The following JPH2 variants were observed in gnomAD, a reference collection of about 807,000 sequenced individuals.
JPH2 encodes the protein junctophilin-2.
In JPH2, 38 loss-of-function variants were observed where a neutral mutation model predicts 55.9. The observed-to-expected ratio is 0.68, with a 90% CI of 0.52 to 0.89. The LOEUF is 0.89. JPH2 is among the 40% of genes least tolerant of loss of function. JPH2 has a pLI of 0.00. For missense variants in JPH2, 964 were observed against 1,037.6 expected (o/e 0.93, Z 0.97); for synonymous variants, 480 against 472.4 (o/e 1.02, Z -0.21).
At chr20:44,129,425 C>T (rs994073806) in intron 2 of JPH2, among the ~76,000 whole-genome samples, 4 of 151,878 alleles carry the variant, frequency 2.6e-5, no homozygotes, top group African/African-American at 7.3e-5. Context: ...CGCAGTGGTG[C>T]GCATCTGTAA....
rs957196976 is a variant in JPH2 at position 44,159,109 on chromosome 20, G to A, written c.1169+509C>T. Among the ~76,000 whole-genome samples, 10 of 152,262 alleles carry A rather than the reference G, an allele frequency of 6.6e-5. No individual in the cohort carries two copies. Among genetic ancestry groups the A allele is most frequent in the African/African-American group, 2.4e-4 (10 of 41,526 alleles). On this transcript the variant is annotated intron_variant, in intron 2 of 5. Coordinates refer to ENST00000372980, the MANE Select transcript of JPH2 (RefSeq NM_020433.5). This position sits in a 1 kb window ranked among gnomAD's most constrained non-coding sequence, Gnocchi z 5.7. ...TAAATCTTTGAGTGAATGGGTGGTTGTTCAGGTAGATGTTAGGCTGTTGTT... is the reference window on the plus strand; with the variant it reads ...TAAATCTTTGAGTGAATGGGTGGTTATTCAGGTAGATGTTAGGCTGTTGTT...
In JPH2 at chr20:44,116,252, G is replaced by A; in HGVS notation, c.1423C>T (p.Arg475Cys). 6 of 1,506,476 alleles carry A rather than the reference G, an allele frequency of 4.0e-6. No homozygotes were observed. The highest frequency in any genetic ancestry group is 5.3e-6 in the Non-Finnish European group (6 of 1,133,600). The allele number at this position is 1,506,476 out of a possible 1,614,324, so 93.3% of individuals were successfully genotyped here. A position where few individuals can be genotyped will look rare whatever the true frequency, so the allele number is the denominator to read the frequency against. Residue 475 changes from arginine to cysteine, a missense_variant, in exon 4 of 6, where the codon CGT becomes TGT. By Grantham distance (180) the Arg-to-Cys change is radical. Transcript: ENST00000372980. ...PPRESPQLHE[R>C]ETPRPEGGSP... Reference sequence around the variant, plus strand: ...CCACCCTCGGGCCGAGGGGTCTCACGCTCGTGCAGCTGCGGGCTCTCGCGG... The same window carrying A: ...CCACCCTCGGGCCGAGGGGTCTCACACTCGTGCAGCTGCGGGCTCTCGCGG...
chr20:44,132,552 G>A (rs1017797731), intron 2 of JPH2, among the ~76,000 whole-genome samples: 3 of 151,616 alleles, frequency 2.0e-5, no homozygotes, highest in Admixed American at 6.6e-5. Flanking sequence ...GTCAATTCAG[G>A]GCCCAAGCAC....
At position 44,160,885 on chromosome 20, in the gene JPH2, A is replaced by G. The variant is rs1323109648; in HGVS notation, c.380-478T>C. On this transcript the variant is annotated intron_variant, in intron 1 of 5. Transcript: ENST00000372980. This position sits in a 1 kb window ranked among gnomAD's most constrained non-coding sequence, Gnocchi z 4.9. ...GATCGCTTGAGCTCAGGAGTTCAAGACCAACCTGGGCAACATGGTGAAACC... is the reference window on the plus strand; with the variant it reads ...GATCGCTTGAGCTCAGGAGTTCAAGGCCAACCTGGGCAACATGGTGAAACC... 6.6e-6 allele frequency among the ~76,000 whole-genome samples: 1 copy of G among 152,148 alleles called. No individual in the cohort carries two copies. Among genetic ancestry groups the G allele is most frequent in the African/African-American group, 2.4e-5 (1 of 41,432 alleles).
intron 2 of JPH2, among the ~76,000 whole-genome samples, chr20:44,144,636 TGAGA>T (rs1412466408): frequency 6.6e-6 from 1 of 152,170 alleles, no homozygotes; most frequent in Non-Finnish European, 1.5e-5. Context: ...TGGGAGCAGC[TGAGA>T]GACTTTCCCT....
At chr20:44,173,720 C>T (rs948061280) in intron 1 of JPH2, among the ~76,000 whole-genome samples, 2 of 152,168 alleles carry the variant, frequency 1.3e-5, no homozygotes, top group African/African-American at 4.8e-5. Flanking sequence ...TCAAGACCAT[C>T]CTGGCCAACA....
chr20:44,151,697 G>C (rs2072531971), intron 2 of JPH2, among the ~76,000 whole-genome samples: 1 of 152,068 alleles, frequency 6.6e-6, no homozygotes, highest in African/African-American at 2.4e-5. Flanking sequence ...GGCCTGCCTG[G>C]CCCCTGGAAC....
chr20:44,167,134 C>T (rs1328173018), intron 1 of JPH2, among the ~76,000 whole-genome samples: 1 of 152,230 alleles, frequency 6.6e-6, no homozygotes, highest in Non-Finnish European at 1.5e-5. Flanking sequence ...TTCTTGAGCC[C>T]CATTCCCTGA....
intron 2 of JPH2, among the ~76,000 whole-genome samples, chr20:44,121,491 G>A (rs896249346): frequency 4.6e-5 from 7 of 152,130 alleles, no homozygotes; most frequent in African/African-American, 1.2e-4. Flanking sequence ...AGTGTTTACC[G>A]GTCCCTACTT....
chr20:44,156,239 G>C (rs886458647), intron 2 of JPH2, among the ~76,000 whole-genome samples: 1 of 152,116 alleles, frequency 6.6e-6, no homozygotes, highest in African/African-American at 2.4e-5. Flanking sequence ...GTGCCATGTT[G>C]GTCTTGACAA....
At chr20:44,145,058 C>T (rs1006507801) in intron 2 of JPH2, among the ~76,000 whole-genome samples, 8 of 152,196 alleles carry the variant, frequency 5.3e-5, no homozygotes, top group African/African-American at 1.9e-4. Context: ...AGAGCCCAGG[C>T]CCTGACCCTG....
At position 44,115,721 on chromosome 20, in the gene JPH2, T is replaced by C; in HGVS notation, c.1954A>G (p.Lys652Glu). The change falls in exon 4 of 6, where the codon AAG (lysine) becomes GAG (glutamate). Residue 652 changes from lysine (K) to glutamate (E), a missense_variant. Lys to Glu is a moderately conservative substitution (Grantham distance 56). Coordinates refer to ENST00000372980, the MANE Select transcript of JPH2 (RefSeq NM_020433.5). The part of the protein sequence containing the change: ...ARGLTKAGAK[K>E]KARKEAALAA... ...AGTGCGGCCTCCTTCCGCGCCTTCTTCTTGGCCCCCGCCTTGGTCAGCCCT... is the reference window on the plus strand; with the variant it reads ...AGTGCGGCCTCCTTCCGCGCCTTCTCCTTGGCCCCCGCCTTGGTCAGCCCT... 1 of 1,613,582 alleles carries C rather than the reference T, an allele frequency of 6.2e-7. No homozygotes were observed. Among genetic ancestry groups the C allele is most frequent in the Non-Finnish European group, 8.5e-7 (1 of 1,179,980 alleles).
In JPH2 at chr20:44,153,336, G is replaced by C. The variant is rs189085202; in HGVS notation, c.1169+6282C>G. On this transcript the variant is annotated intron_variant, in intron 2 of 5. Coordinates refer to ENST00000372980, the MANE Select transcript of JPH2 (RefSeq NM_020433.5). ...CCCATTTGATTAAACAGGAAAGTGAGCCCAGAGGGGTGAGGTAACTTGCCT... is the reference window on the plus strand; with the variant it reads ...CCCATTTGATTAAACAGGAAAGTGACCCCAGAGGGGTGAGGTAACTTGCCT... 3.4e-3 allele frequency among the ~76,000 whole-genome samples: 517 copies of C among 152,290 alleles called. 2 individuals are homozygous for C. The highest frequency in any genetic ancestry group is 0.012 in the African/African-American group (486 of 41,554).
chr20:44,116,027 C>A lies in JPH2; in HGVS notation c.1648G>T (p.Ala550Ser). The change falls in exon 4 of 6, where the codon GCA becomes TCA. Residue 550 changes from alanine to serine, a missense_variant. Transcript: ENST00000372980. ...GGCTCCCGCGACGGCGCAGGCGGTG[C>A]CTGCAGAGCCTCGATGGCCATGCGC... ...TERMAIEALQAPPAPSREPEV... is the reference protein window; with the variant it reads ...TERMAIEALQSPPAPSREPEV... The A allele has an allele frequency of 1.3e-6, 2 of 1,578,586 alleles. No homozygotes were observed. The highest frequency in any genetic ancestry group is 1.7e-6 in the Non-Finnish European group (2 of 1,170,846).
chr20:44,148,513 G>A (rs1464510486), intron 2 of JPH2, among the ~76,000 whole-genome samples: 5 of 152,208 alleles, frequency 3.3e-5, no homozygotes, highest in African/African-American at 1.2e-4. Context: ...ACAAGGAAAG[G>A]AAACAAAGGG....
intron 1 of JPH2, among the ~76,000 whole-genome samples, chr20:44,165,306 A>T (rs2072648607): frequency 6.6e-6 from 1 of 152,090 alleles, no homozygotes; most frequent in Admixed American, 6.5e-5. Context: ...AAAAAAACAA[A>T]AAAAACAACC....
chr20:44,157,447 C>T (rs897773570), intron 2 of JPH2, among the ~76,000 whole-genome samples: 2 of 152,162 alleles, frequency 1.3e-5, no homozygotes, highest in Non-Finnish European at 2.9e-5. Context: ...TGTCTCCCAC[C>T]GCCCAGTCCG....
At chr20:44,154,526 A>C (rs953522397) in intron 2 of JPH2, among the ~76,000 whole-genome samples, 2 of 152,140 alleles carry the variant, frequency 1.3e-5, no homozygotes, top group African/African-American at 4.8e-5. Flanking sequence ...TCCATAGCTC[A>C]TTTTACAGGG....
chr20:44,136,182 A>C (rs1034375139), intron 2 of JPH2, among the ~76,000 whole-genome samples: 1 of 152,188 alleles, frequency 6.6e-6, no homozygotes, highest in Admixed American at 6.5e-5. Context: ...GGATGAACAG[A>C]GGGTAAAACC....
Sources: gnomAD v4.1 joint callset for allele counts (sites outside exome capture counted in the v4.1 genomes callset) on GRCh38, gnomAD v4.1.1 for gene constraint, Gnocchi (gnomAD v3.1) non-coding constraint, MANE v1.5 for transcripts, NCBI Gene and HGNC (gene_info 2026-07-23, HGNC 2026-07-21) for gene names.